The following BBS9 variants were observed in gnomAD, a reference collection of about 807,000 sequenced individuals.
BBS9 encodes the protein protein PTHB1.
Under a neutral mutation model 117.7 loss-of-function variants are expected in BBS9, and 89 were observed. The observed-to-expected ratio is 0.76, with a 90% CI of 0.64 to 0.90. BBS9 has a LOEUF of 0.90. Ranked by LOEUF, BBS9 falls within the 40% of genes least tolerant of loss-of-function variation. The probability of loss-of-function intolerance (pLI) is 0.00; values close to 1 mark genes in which losing one functional copy is unlikely to be tolerated. For missense variants in BBS9, 982 were observed against 1,042.2 expected (o/e 0.94, Z 0.80); for synonymous variants, 379 against 370.9 (o/e 1.02, Z -0.25).
intron 9 of BBS9, among the ~76,000 whole-genome samples, chr7:33,316,745 T>C (rs1254734238): frequency 1.3e-5 from 2 of 152,194 alleles, no homozygotes; most frequent in East Asian, 3.8e-4. Flanking sequence ...TTTTGGTTGT[T>C]ATAGTAGTTC....
chr7:33,542,754 T>C (rs571198508), intron 21 of BBS9, among the ~76,000 whole-genome samples: 43 of 140,138 alleles, frequency 3.1e-4, no homozygotes, highest in Admixed American at 6.4e-4. Context: ...TATATATATA[T>C]ACACGTATGT....
At position 33,177,585 on chromosome 7, in the gene BBS9, G is replaced by T. The variant is rs372412756; in HGVS notation, c.436G>T (p.Val146Leu). 1.2e-6 allele frequency: 2 copies of T among 1,606,722 alleles called. No individual in the cohort carries two copies. The highest frequency in any genetic ancestry group is 2.7e-5 in the African/African-American group (2 of 74,718). Residue 146 changes from valine to leucine, a missense_variant, in exon 5 of 23, where the codon GTA (valine) becomes TTA (leucine). Physicochemically the swap from Val to Leu is conservative, Grantham distance 32. Transcript: ENST00000242067. ...TATGACCTATGGATCATTTGGTGGT[G>T]TAAAAGGTAATTTGCTTTTAATCAT... The part of the protein sequence containing the change: ...CNMTYGSFGG[V>L]KGRDLICIQS...
intron 21 of BBS9, among the ~76,000 whole-genome samples, chr7:33,618,154 AC>A (rs1255015814): frequency 3.7e-4 from 56 of 152,286 alleles, no homozygotes; most frequent in Middle Eastern, 3.4e-3. Flanking sequence ...AACCTGGGCA[AC>A]ATAGTGAGAC....
At chr7:33,635,113 G>A (rs906583998) in intron 21 of BBS9, among the ~76,000 whole-genome samples, 3 of 152,188 alleles carry the variant, frequency 2.0e-5, no homozygotes, top group African/African-American at 4.8e-5. Context: ...TGGCATGGAT[G>A]TGGTAGCTGT....
rs911650078 is a variant in BBS9 at position 33,146,165 on chromosome 7, G to C, written c.-11-77G>C. On this transcript the variant is annotated intron_variant, in intron 1 of 22. Coordinates refer to ENST00000242067, the MANE Select transcript of BBS9 (RefSeq NM_198428.3). ...AAATGTCCTTCTCAGATCTGTCCAAGTTTAATTTGCTATGCCTTAAGACAT... is the reference window on the plus strand; with the variant it reads ...AAATGTCCTTCTCAGATCTGTCCAACTTTAATTTGCTATGCCTTAAGACAT... The C allele has an allele frequency of 2.9e-6, 3 of 1,024,222 alleles. No homozygotes were observed. The African/African-American group carries it at 4.8e-5, about 16-fold the overall frequency. 63.4% of individuals were successfully genotyped at this position (1,024,222 alleles called of 1,614,324 possible). A position where few individuals can be genotyped will look rare whatever the true frequency, so the allele number is the denominator to read the frequency against.
chr7:33,562,297 A>G (rs1194269894), intron 21 of BBS9, among the ~76,000 whole-genome samples: 1 of 152,214 alleles, frequency 6.6e-6, no homozygotes, highest in Non-Finnish European at 1.5e-5. Flanking sequence ...ATATATGGTA[A>G]TAATCACTTT....
At chr7:33,230,472 G>A (rs1201456008) in intron 5 of BBS9, among the ~76,000 whole-genome samples, 2 of 152,180 alleles carry the variant, frequency 1.3e-5, no homozygotes, top group African/African-American at 2.4e-5. Context: ...TTACATGGAT[G>A]AATTGTATAG....
intron 5 of BBS9, among the ~76,000 whole-genome samples, chr7:33,182,035 C>T (rs895880964): frequency 2.0e-5 from 3 of 152,092 alleles, no homozygotes; most frequent in East Asian, 1.9e-4. Context: ...TGCAGTGAGC[C>T]GAGATCGCAC....
rs1179605189 is a variant in BBS9, at chr7:33,518,042, G to A, written c.2298+12397G>A. 2.0e-5 allele frequency among the ~76,000 whole-genome samples: 3 copies of A among 152,048 alleles called. No homozygotes were observed. The East Asian group carries it at 5.8e-4, about 29-fold the overall frequency. ...ATATAATTAATTTTTGTACAAAACTGTTGGGGAAGTTTTATATTATTTGTA... is the reference window on the plus strand; with the variant it reads ...ATATAATTAATTTTTGTACAAAACTATTGGGGAAGTTTTATATTATTTGTA... On this transcript the variant is annotated intron_variant, in intron 20 of 22. Transcript: ENST00000242067.
chr7:33,271,869 T>C (rs140052034), intron 7 of BBS9, among the ~76,000 whole-genome samples: 2,376 of 152,240 alleles, frequency 0.016, 71 homozygotes, highest in African/African-American at 0.055. Flanking sequence ...CTAATAGACA[T>C]CTACAAAACT....
In BBS9 at chr7:33,303,718, G is replaced by A. The variant is rs187723435; in HGVS notation, c.1016+29762G>A. Among the ~76,000 whole-genome samples, 319 of 152,014 alleles carry A rather than the reference G, an allele frequency of 2.1e-3. 1 individual carries two copies. Among genetic ancestry groups the A allele is most frequent in the African/African-American group, 7.3e-3 (302 of 41,468 alleles). On this transcript the variant is annotated intron_variant, in intron 9 of 22. Coordinates refer to ENST00000242067, the MANE Select transcript of BBS9 (RefSeq NM_198428.3). Reference sequence around the variant, plus strand: ...GAGACGGGGTTTCGCCGTGTTGACCGGGCTGGTCTCCAGCTCCTGACCTCG... The same window carrying A: ...GAGACGGGGTTTCGCCGTGTTGACCAGGCTGGTCTCCAGCTCCTGACCTCG...
chr7:33,309,603 G>A (rs1808768717), intron 9 of BBS9, among the ~76,000 whole-genome samples: 1 of 152,182 alleles, frequency 6.6e-6, no homozygotes, highest in African/African-American at 2.4e-5. Context: ...TAGGAAAAGG[G>A]ACCAGGTTTT....
chr7:33,604,798 G>A, intron 21 of BBS9, 67 bp from the exon 22 acceptor site: 1 of 1,047,966 alleles, frequency 9.5e-7, no homozygotes, highest in Admixed American at 1.9e-5. Flanking sequence ...CCTAAGCTAT[G>A]ATTGCTGTGT....
chr7:33,438,792 A>G lies in BBS9; in HGVS notation c.2115+50648A>G, dbSNP rs114839771. 1.9e-3 allele frequency among the ~76,000 whole-genome samples: 288 copies of G among 152,334 alleles called. 1 individual carries two copies. Among genetic ancestry groups the G allele is most frequent in the African/African-American group, 6.2e-3 (257 of 41,584 alleles). ...TATTTAACGCAGTCTCAAAAACACA[A>G]TGCTGAGAAAGAAAGAACACAGGAT... On this transcript the variant is annotated intron_variant, in intron 19 of 22. Transcript: ENST00000242067.
At chr7:33,522,591 G>T (rs1327572603) in intron 20 of BBS9, among the ~76,000 whole-genome samples, 1 of 152,052 alleles carries the variant, frequency 6.6e-6, no homozygotes, top group Non-Finnish European at 1.5e-5. Flanking sequence ...TTTTGATGGG[G>T]TTGTTTGTTT....
intron 5 of BBS9, among the ~76,000 whole-genome samples, chr7:33,250,139 A>G (rs1467735868): frequency 1.3e-5 from 2 of 152,164 alleles, no homozygotes; most frequent in African/African-American, 2.4e-5. Flanking sequence ...ATGGATTCCT[A>G]TTTGAATATT....
At chr7:33,236,547 A>G (rs964699722) in intron 5 of BBS9, among the ~76,000 whole-genome samples, 2 of 151,924 alleles carry the variant, frequency 1.3e-5, no homozygotes, top group East Asian at 1.9e-4. Flanking sequence ...CTATGGCAAT[A>G]TATATAAATC....
chr7:33,250,473 C>T (rs1378249954), intron 5 of BBS9, among the ~76,000 whole-genome samples: 3 of 152,128 alleles, frequency 2.0e-5, no homozygotes, highest in African/African-American at 7.2e-5. Context: ...TGAAGGCTTC[C>T]TGTTGGCTCT....
rs377217675 is a variant in BBS9 at position 33,185,674 on chromosome 7, AT to A, written c.442+8086del. Among the ~76,000 whole-genome samples the A allele has an allele frequency of 3.4e-3, 524 of 152,256 alleles. 2 individuals carry two copies. Among genetic ancestry groups the A allele is most frequent in the African/African-American group, 0.012 (498 of 41,560 alleles). ...GGAAAGCTTCCCTGGAGTTGATGTT[AT>A]TTAAAAAAGAAACCTAAAAATCCTT... is the stretch of plus-strand genomic sequence containing the variant. On this transcript the variant is annotated intron_variant, in intron 5 of 22. Transcript: ENST00000242067.
Sources: gnomAD v4.1 joint callset for allele counts (sites outside exome capture counted in the v4.1 genomes callset) on GRCh38, gnomAD v4.1.1 for gene constraint, MANE v1.5 for transcripts, NCBI Gene and HGNC (gene_info 2026-07-23, HGNC 2026-07-21) for gene names.